The following CCN4 variants were observed in gnomAD, a reference collection of about 807,000 sequenced individuals.
CCN4 encodes the protein cellular communication network factor 4, also known as CCN family member 4.
In CCN4, 30 loss-of-function variants were observed where a neutral mutation model predicts 36.7. The observed-to-expected ratio is 0.82, with a 90% confidence interval of 0.61 to 1.11. The LOEUF is 1.11. Among genes scored for constraint, CCN4 ranks in the 50% least tolerant of loss-of-function variants. The pLI is 0.00. For missense variants in CCN4, 505 were observed against 504.9 expected (o/e 1.00, Z 0.00); for synonymous variants, 191 against 195.4 (o/e 0.98, Z 0.19).
chr8:133,225,486 C>T lies in CCN4; in HGVS notation c.707C>T (p.Thr236Ile). The change falls in exon 4 of 5, where the codon ACT becomes ATT. Residue 236 changes from threonine to isoleucine, a missense_variant. Physicochemically the swap from Thr to Ile is moderately conservative, Grantham distance 89. Transcript: ENST00000250160. The stretch of plus-strand genomic sequence containing the variant: ...ACCAGCTGCGGCCTGGGGGTCTCCA[C>T]TCGGATCTCCAATGTTAACGCCCAG... ...CSTSCGLGVS[T>I]RISNVNAQCW... The T allele has an allele frequency of 6.2e-7, 1 of 1,614,136 alleles. No individual in the cohort carries two copies. The highest frequency in any genetic ancestry group is 8.5e-7 in the Non-Finnish European group (1 of 1,180,000).
chr8:133,231,277 T>C lies in CCN4; in HGVS notation c.*3567T>C, dbSNP rs1458149485. 1.3e-5 allele frequency: 2 copies of C among 152,196 alleles called. No individual in the cohort carries two copies. The highest frequency in any genetic ancestry group is 2.9e-5 in the Non-Finnish European group (2 of 68,042). 9.4% of individuals were successfully genotyped at this position (152,196 alleles called of 1,614,324 possible). ...AAGCAGTCACAATGATAACCCTGCA[T>C]ATCTGGGAATCATAAGTCAACTATG... On this transcript the variant is annotated 3_prime_UTR_variant, in exon 5 of 5. Transcript: ENST00000250160.
intron 1 of CCN4, among the ~76,000 whole-genome samples, chr8:133,204,837 T>G (rs555357725): frequency 1.3e-5 from 2 of 152,322 alleles, no homozygotes; most frequent in Non-Finnish European, 2.9e-5. Flanking sequence ...ATTACAGGTG[T>G]GAACCACATG....
chr8:133,203,966 G>A (rs1485062567), intron 1 of CCN4, among the ~76,000 whole-genome samples: 5 of 152,164 alleles, frequency 3.3e-5, no homozygotes, highest in Non-Finnish European at 7.3e-5. Context: ...ATAATAATCA[G>A]TTACCACTCA....
chr8:133,213,772 A>G (rs1245568513), intron 2 of CCN4, among the ~76,000 whole-genome samples: 1 of 147,026 alleles, frequency 6.8e-6, no homozygotes, highest in Admixed American at 6.8e-5. Context: ...TTTCTAATGA[A>G]CTTGAAGAAC....
intron 1 of CCN4, among the ~76,000 whole-genome samples, chr8:133,199,695 C>T (rs955892829): frequency 1.3e-5 from 2 of 152,188 alleles, no homozygotes; most frequent in African/African-American, 2.4e-5. Context: ...CGCCTACATA[C>T]ACATGCACAC....
intron 1 of CCN4, among the ~76,000 whole-genome samples, chr8:133,210,059 G>A (rs550321112): frequency 6.6e-6 from 1 of 152,206 alleles, no homozygotes; most frequent in Admixed American, 6.5e-5. Context: ...AAATATCATA[G>A]ATATCCAAGC....
intron 1 of CCN4, among the ~76,000 whole-genome samples, chr8:133,192,936 C>T (rs77740730): frequency 1.0e-3 from 154 of 152,220 alleles, no homozygotes; most frequent in African/African-American, 3.6e-3. Context: ...GGAAGGCTCC[C>T]GGGACCAGCA....
chr8:133,212,326 G>A (rs4736441), intron 1 of CCN4, among the ~76,000 whole-genome samples: 70,189 of 151,932 alleles, frequency 0.46, 16,740 homozygotes, highest in Middle Eastern at 0.6. Flanking sequence ...CTTTCCGGAT[G>A]CTCAGAGGGG....
At chr8:133,226,017 A>G (rs1381335203) in intron 4 of CCN4, among the ~76,000 whole-genome samples, 2 of 152,182 alleles carry the variant, frequency 1.3e-5, no homozygotes, top group African/African-American at 4.8e-5. Flanking sequence ...GACTGTGGCC[A>G]ATCTCTGCTC....
At chr8:133,207,995 T>TTTTTTTTTG (rs1853845431) in intron 1 of CCN4, among the ~76,000 whole-genome samples, 1 of 20,032 alleles carries the variant, frequency 5.0e-5, no homozygotes, top group Admixed American at 7.0e-4. Flanking sequence ...CTTTCAGCTG[T>TTTTTTTTTG]TTTTTTTTTT....
At chr8:133,210,419 G>A (rs1452580939) in intron 1 of CCN4, among the ~76,000 whole-genome samples, 2 of 127,092 alleles carry the variant, frequency 1.6e-5, no homozygotes, top group Non-Finnish European at 3.8e-5. Context: ...GTGTGTGTGT[G>A]TGTTTACTGA....
rs1854486577 is a variant in CCN4 at position 133,220,673 on chromosome 8, G to A, written c.442G>A (p.Asp148Asn). 5 of 1,614,088 alleles carry A rather than the reference G, an allele frequency of 3.1e-6. No individual in the cohort carries two copies. The highest frequency in any genetic ancestry group is 3.4e-6 in the Non-Finnish European group (4 of 1,180,006). The stretch of plus-strand genomic sequence containing the variant: ...CTGCAAGTACAACTGCACGTGCATC[G>A]ACGGCGCGGTGGGCTGCACACCACT... ...PNCKYNCTCIDGAVGCTPLCL... is the reference protein window; with the variant it reads ...PNCKYNCTCINGAVGCTPLCL... Residue 148 changes from aspartate (D) to asparagine (N), a missense_variant, in exon 3 of 5, where the codon GAC becomes AAC. Coordinates refer to ENST00000250160, the MANE Select transcript of CCN4 (RefSeq NM_003882.4).
intron 1 of CCN4, among the ~76,000 whole-genome samples, chr8:133,203,206 G>A (rs1280606545): frequency 6.6e-6 from 1 of 152,216 alleles, no homozygotes; most frequent in Non-Finnish European, 1.5e-5. Flanking sequence ...GCGGGAAAGG[G>A]CAACCCGTCC....
chr8:133,198,099 G>A (rs1161948016), intron 1 of CCN4, among the ~76,000 whole-genome samples: 2 of 152,112 alleles, frequency 1.3e-5, no homozygotes, highest in African/African-American at 2.4e-5. Flanking sequence ...GATTGGACTT[G>A]ATCCCAAAGC....
At chr8:133,224,266 A>C (rs1854646969) in intron 3 of CCN4, among the ~76,000 whole-genome samples, 1 of 108,276 alleles carries the variant, frequency 9.2e-6, no homozygotes, top group Admixed American at 1.3e-4. Flanking sequence ...TTTGAGACAG[A>C]ATCCTGCTTT....
chr8:133,206,688 G>A (rs886128223), intron 1 of CCN4, among the ~76,000 whole-genome samples: 1 of 152,274 alleles, frequency 6.6e-6, no homozygotes, highest in Admixed American at 6.5e-5. Flanking sequence ...AGCCTTCGAG[G>A]GATGCTCAGG....
At chr8:133,217,565 C>G (rs953900459) in intron 2 of CCN4, among the ~76,000 whole-genome samples, 1 of 152,172 alleles carries the variant, frequency 6.6e-6, no homozygotes, top group African/African-American at 2.4e-5. Flanking sequence ...TCCCACTAGC[C>G]TGTGGTGGGC....
chr8:133,223,708 T>A (rs571284980), intron 3 of CCN4, among the ~76,000 whole-genome samples: 8 of 152,182 alleles, frequency 5.3e-5, no homozygotes, highest in African/African-American at 1.9e-4. Context: ...TGAGCTTCCA[T>A]CTGTCTTTCC....
At position 133,227,635 on chromosome 8, in the gene CCN4, C is replaced by A. The variant is rs1441887138; in HGVS notation, c.1029C>A (p.Asn343Lys). Reference sequence around the variant, plus strand: ...TATGGATTAATGCCTGCTTCTGTAACCTGAGCTGTAGGAATCCCAATGACA... The same window carrying A: ...TATGGATTAATGCCTGCTTCTGTAAACTGAGCTGTAGGAATCCCAATGACA... Reference protein sequence around the residue: ...QVLWINACFCNLSCRNPNDIF... With the variant: ...QVLWINACFCKLSCRNPNDIF... Residue 343 changes from asparagine to lysine, a missense_variant, in exon 5 of 5, where the codon AAC (asparagine) becomes AAA (lysine). By Grantham distance (94) the Asn-to-Lys change is moderately conservative (BLOSUM62 0). Transcript: ENST00000250160. 3.1e-6 allele frequency: 5 copies of A among 1,614,122 alleles called. No homozygotes were observed. The highest frequency in any genetic ancestry group is 1.3e-5 in the African/African-American group (1 of 74,936).
Sources: allele counts gnomAD v4.1 joint callset (sites outside exome capture counted in the v4.1 genomes callset), GRCh38; gene constraint gnomAD v4.1.1; transcripts MANE v1.5; gene names NCBI Gene and HGNC (gene_info 2026-07-23, HGNC 2026-07-21).